HDAC9: variants seen among roughly 807,000 people sequenced by gnomAD.
HDAC9 encodes the protein MEF-2 interacting transcription repressor (MITR) protein.
A neutral mutation model predicts 139.4 loss-of-function variants in HDAC9; 41 were observed. That is an observed-to-expected ratio of 0.29 (90% confidence interval 0.23 to 0.38). HDAC9 has a LOEUF of 0.38. Ranked by LOEUF, HDAC9 falls within the 10% of genes least tolerant of loss-of-function variation. The pLI is 1.00. For synonymous variants in HDAC9, 517 were observed against 476.2 expected (o/e 1.09, Z -1.12); for missense variants, 1,147 against 1,297.0 (o/e 0.88, Z 1.78).
chr7:18,667,904 TTAAGACC>T, intron 12 of HDAC9: 1 of 982,696 alleles, frequency 1.0e-6, no homozygotes, highest in Non-Finnish European at 1.2e-6. Context: ...GTTCGTTGTA[TTAAGACC>T]CCTTTAATAT....
intron 2 of HDAC9, among the ~76,000 whole-genome samples, chr7:18,240,108 G>A (rs924108128): frequency 6.6e-6 from 1 of 152,048 alleles, no homozygotes; most frequent in African/African-American, 2.4e-5. Flanking sequence ...AGAAAATATT[G>A]TTTAAGATCT....
At chr7:18,951,451 T>C (rs1489753748) in intron 23 of HDAC9, among the ~76,000 whole-genome samples, 1 of 151,938 alleles carries the variant, frequency 6.6e-6, no homozygotes, top group Non-Finnish European at 1.5e-5. Flanking sequence ...TAAAATTATC[T>C]AGTGTATCTT....
intron 16 of HDAC9, among the ~76,000 whole-genome samples, chr7:18,785,135 G>A (rs1213496851): frequency 6.6e-6 from 1 of 152,034 alleles, no homozygotes; most frequent in Non-Finnish European, 1.5e-5. Context: ...AGGTGAGAAT[G>A]AAGCAAAGGA....
chr7:18,382,258 C>T lies in HDAC9; in HGVS notation c.-42+91743C>T, dbSNP rs552383436. Among the ~76,000 whole-genome samples, 3 of 152,020 alleles carry T rather than the reference C, an allele frequency of 2.0e-5. No individual in the cohort carries two copies. The South Asian group carries it at 6.2e-4, about 32-fold the overall frequency. On this transcript the variant is annotated intron_variant, in intron 1 of 3. Transcript: ENST00000413509. ...TTAATAGTAACAAGTGATTCCCAAG[C>T]CAGATTGAAATATCAATTATATATG...
chr7:18,602,133 C>A (rs952447480), intron 6 of HDAC9, among the ~76,000 whole-genome samples: 2 of 152,008 alleles, frequency 1.3e-5, no homozygotes, highest in Non-Finnish European at 2.9e-5. Flanking sequence ...GATTCATTTT[C>A]TTTCATTAGA....
intron 2 of HDAC9, among the ~76,000 whole-genome samples, chr7:18,576,278 C>T (rs1310140417): frequency 6.6e-6 from 1 of 152,102 alleles, no homozygotes; most frequent in Non-Finnish European, 1.5e-5. Flanking sequence ...GACGGAGGCT[C>T]CACTGATGAG....
chr7:18,687,679 C>A (rs138451248), intron 12 of HDAC9, among the ~76,000 whole-genome samples: 49 of 151,846 alleles, frequency 3.2e-4, no homozygotes, highest in African/African-American at 1.1e-3. Context: ...CCTCAAAGAC[C>A]TGAAGGTTAA....
chr7:18,247,197 C>CGGA (rs879591918), intron 2 of HDAC9, among the ~76,000 whole-genome samples: 1 of 151,836 alleles, frequency 6.6e-6, no homozygotes, highest in Admixed American at 6.6e-5. Context: ...GGAGAAAAAA[C>CGGA]AACTTGGGAG....
At chr7:18,490,711 C>T (rs76662754), upstream of HDAC9, among the ~76,000 whole-genome samples, 661 of 152,048 alleles carry the variant, frequency 4.3e-3, 3 homozygotes, top group African/African-American at 0.015. Flanking sequence ...TGTACTTTCC[C>T]CTCCATCCTA....
chr7:18,812,631 T>A (rs28497492), intron 17 of HDAC9, among the ~76,000 whole-genome samples: 12,853 of 151,948 alleles, frequency 0.085, 602 homozygotes, highest in South Asian at 0.18. Context: ...TTAGGTAGAA[T>A]TCCTCTTTTT....
chr7:18,919,056 A>G (rs1803457366), intron 22 of HDAC9, among the ~76,000 whole-genome samples: 1 of 152,058 alleles, frequency 6.6e-6, no homozygotes, highest in Non-Finnish European at 1.5e-5. Flanking sequence ...TGCAATAAAT[A>G]CTTGAGTTAA....
chr7:18,764,659 CG>C (rs1300368122), intron 15 of HDAC9, among the ~76,000 whole-genome samples: 1 of 151,858 alleles, frequency 6.6e-6, no homozygotes, highest in Non-Finnish European at 1.5e-5. Flanking sequence ...TCTGGAAGAC[CG>C]GATTGAAGCT....
intron 21 of HDAC9, among the ~76,000 whole-genome samples, chr7:18,874,032 C>G (rs1274011127): frequency 6.6e-6 from 1 of 150,566 alleles, no homozygotes; most frequent in Non-Finnish European, 1.5e-5. Context: ...GGAAAGCAAA[C>G]TTTTCCCAAA....
At chr7:18,594,529 A>G (rs1395150667) in intron 6 of HDAC9, among the ~76,000 whole-genome samples, 2 of 152,052 alleles carry the variant, frequency 1.3e-5, no homozygotes, top group Non-Finnish European at 2.9e-5. Context: ...GACTAGCCTA[A>G]TATCTCATGG....
At chr7:18,920,807 C>A (rs546312876) in intron 22 of HDAC9, among the ~76,000 whole-genome samples, 1 of 152,118 alleles carries the variant, frequency 6.6e-6, no homozygotes, top group Non-Finnish European at 1.5e-5. Context: ...TATTGATTTT[C>A]GTATGTTGAA....
At chr7:18,149,934 T>C (rs1345900674) in intron 1 of HDAC9, among the ~76,000 whole-genome samples, 1 of 151,264 alleles carries the variant, frequency 6.6e-6, no homozygotes, top group Non-Finnish European at 1.5e-5. Flanking sequence ...TGGTCTCAAG[T>C]GATACTCCCG....
chr7:18,257,276 CGCTTGAGCTCAGGAGGT>C (rs879413966), intron 2 of HDAC9, among the ~76,000 whole-genome samples: 60,686 of 150,510 alleles, frequency 0.4, 14,013 homozygotes, highest in Admixed American at 0.52. Context: ...GGAGGAGGAT[CGCTTGAGCTCAGGAGGT>C]GGAGGTCGCA....
chr7:18,793,842 C>G (rs1302222817), intron 17 of HDAC9, among the ~76,000 whole-genome samples: 1 of 151,910 alleles, frequency 6.6e-6, no homozygotes, highest in African/African-American at 2.4e-5. Context: ...GAATACCACC[C>G]AGAGAGAGGG....
intron 21 of HDAC9, among the ~76,000 whole-genome samples, chr7:18,852,414 T>C (rs1018720872): frequency 6.6e-6 from 1 of 152,200 alleles, no homozygotes; most frequent in Admixed American, 6.5e-5. Flanking sequence ...ATAGACATAC[T>C]ATCATTCCTA....
Sources: gnomAD v4.1 joint callset for allele counts (sites outside exome capture counted in the v4.1 genomes callset) on GRCh38, gnomAD v4.1.1 for gene constraint, MANE v1.5 for transcripts, NCBI Gene and HGNC (gene_info 2026-07-23, HGNC 2026-07-21) for gene names.